The following ADAMTS17 variants were observed in gnomAD, a reference collection of about 807,000 sequenced individuals.
ADAMTS17 encodes ADAM metallopeptidase with thrombospondin type 1 motif 17.
ADAMTS17 carries 113 observed loss-of-function variants against 141.5 expected under a neutral mutation model. The observed-to-expected ratio is 0.80, with a 90% CI of 0.69 to 0.93. ADAMTS17 has a LOEUF of 0.93. Among genes scored for constraint, ADAMTS17 ranks in the 40% least tolerant of loss-of-function variants. ADAMTS17 has a pLI of 0.00. For synonymous variants in ADAMTS17, 768 were observed against 630.6 expected, an observed-to-expected ratio of 1.22 and a Z score of -3.27; for missense variants, 1,659 against 1,517.9, an observed-to-expected ratio of 1.09 and a Z score of -1.54.
At chr15:100,114,135 T>C (rs1596470560) in intron 13 of ADAMTS17, among the ~76,000 whole-genome samples, 1 of 151,576 alleles carries the variant, frequency 6.6e-6, no homozygotes, top group Middle Eastern at 3.4e-3. Flanking sequence ...TTGGAAAATC[T>C]ACCTCTGCAA....
chr15:100,226,233 T>C (rs1434361937), intron 7 of ADAMTS17, among the ~76,000 whole-genome samples: 3 of 152,206 alleles, frequency 2.0e-5, no homozygotes, highest in Non-Finnish European at 2.9e-5. Context: ...TGCTCCAGGG[T>C]GATGTCAGCC....
At position 99,973,976 on chromosome 15, in the gene ADAMTS17, T is replaced by G; in HGVS notation, c.*426A>C. On this transcript the variant is annotated 3_prime_UTR_variant, in exon 22 of 22. Coordinates refer to ENST00000268070, the MANE Select transcript of ADAMTS17 (RefSeq NM_139057.4). The stretch of plus-strand genomic sequence containing the variant: ...CCAACACCTGCCCCTCCCTCCATGG[T>G]GTCGCCGGCTTTCAGAATAAAGCCT... 5.3e-6 allele frequency: 1 copy of G among 190,328 alleles called. No individual in the cohort carries two copies. The allele number at this position is 190,328 out of a possible 1,614,324, so 11.8% of individuals were successfully genotyped here.
At chr15:100,243,904 G>C (rs2042907566) in intron 7 of ADAMTS17, among the ~76,000 whole-genome samples, 1 of 151,878 alleles carries the variant, frequency 6.6e-6, no homozygotes, top group Admixed American at 6.6e-5. Flanking sequence ...AACAACCCTA[G>C]ATACTATTAT....
Position 99,972,397 on chromosome 15 carries a change from T to G in ADAMTS17, c.*2005A>C, listed in dbSNP as rs2060230014. 1 of 152,136 alleles carries G rather than the reference T, an allele frequency of 6.6e-6. No individual in the cohort carries two copies. Among genetic ancestry groups the G allele is most frequent in the South Asian group, 2.1e-4 (1 of 4,826 alleles). The allele number at this position is 152,136 out of a possible 1,614,324, so 9.4% of individuals were successfully genotyped here. On this transcript the variant is annotated 3_prime_UTR_variant, in exon 22 of 22. Coordinates refer to ENST00000268070, the MANE Select transcript of ADAMTS17 (RefSeq NM_139057.4). ...GCCCTTGCCAGGGTGACAGTGGGCATATCTGGAGGCCCCGGGGCCCATGCA... is the reference window on the plus strand; with the variant it reads ...GCCCTTGCCAGGGTGACAGTGGGCAGATCTGGAGGCCCCGGGGCCCATGCA...
At position 99,973,680 on chromosome 15, in the gene ADAMTS17, A is replaced by C. The variant is rs2060257920; in HGVS notation, c.*722T>G. ...TACACGGTGGACAGCAGAGCTCTGA[A>C]AATTAGATGCTTCCCCAAACCCAGA... On this transcript the variant is annotated 3_prime_UTR_variant, in exon 22 of 22. Transcript: ENST00000268070. 6.5e-6 allele frequency: 1 copy of C among 154,300 alleles called. No individual in the cohort carries two copies. Among genetic ancestry groups the C allele is most frequent in the African/African-American group, 2.4e-5 (1 of 41,448 alleles). 9.6% of individuals were successfully genotyped at this position (154,300 alleles called of 1,614,324 possible).
chr15:100,168,016 C>G (rs984585364), intron 8 of ADAMTS17, among the ~76,000 whole-genome samples: 1 of 152,186 alleles, frequency 6.6e-6, no homozygotes, highest in Non-Finnish European at 1.5e-5. Context: ...GCCGTGTAAA[C>G]CTCCCACTCT....
chr15:100,175,699 C>A (rs1355957819), intron 8 of ADAMTS17, among the ~76,000 whole-genome samples: 1 of 151,944 alleles, frequency 6.6e-6, no homozygotes, highest in African/African-American at 2.4e-5. Flanking sequence ...CGTTCTCAGC[C>A]TTCCTCAAAT....
chr15:100,024,045 T>C (rs147118422), intron 18 of ADAMTS17, among the ~76,000 whole-genome samples: 43 of 152,330 alleles, frequency 2.8e-4, no homozygotes, highest in African/African-American at 1.0e-3. Flanking sequence ...TCGCTATTGA[T>C]AGCGAAGCAA....
intron 20 of ADAMTS17, among the ~76,000 whole-genome samples, chr15:99,977,512 G>A (rs1185729085): frequency 6.9e-6 from 1 of 144,144 alleles, no homozygotes; most frequent in African/African-American, 2.6e-5. Flanking sequence ...CTCCCTGGTT[G>A]AAGTGATTCC....
chr15:100,019,540 T>A (rs1359865471), intron 18 of ADAMTS17, among the ~76,000 whole-genome samples: 3 of 152,206 alleles, frequency 2.0e-5, no homozygotes, highest in Non-Finnish European at 4.4e-5. Context: ...CAGTGAGTGG[T>A]TGAGACCACG....
chr15:100,290,697 A>T (rs1024245487), intron 3 of ADAMTS17, among the ~76,000 whole-genome samples: 9 of 152,200 alleles, frequency 5.9e-5, no homozygotes, highest in African/African-American at 1.9e-4. Flanking sequence ...CCAGAAATAA[A>T]GCTGCACACC....
chr15:100,175,137 G>A (rs77384332), intron 8 of ADAMTS17, among the ~76,000 whole-genome samples: 5,502 of 152,242 alleles, frequency 0.036, 111 homozygotes, highest in East Asian at 0.11. Flanking sequence ...AGTGAAACAA[G>A]AATCAGAAAA....
intron 3 of ADAMTS17, among the ~76,000 whole-genome samples, chr15:100,326,103 A>C (rs2045892821): frequency 6.6e-6 from 1 of 152,224 alleles, no homozygotes; most frequent in Non-Finnish European, 1.5e-5. Context: ...GTTACAGCAA[A>C]GGGAACAGAA....
At chr15:100,229,678 C>T (rs1026111157) in intron 7 of ADAMTS17, among the ~76,000 whole-genome samples, 1 of 152,162 alleles carries the variant, frequency 6.6e-6, no homozygotes. Flanking sequence ...TCACATGATC[C>T]GTTGAAGATG....
chr15:100,265,551 C>G (rs1196472597), intron 4 of ADAMTS17, among the ~76,000 whole-genome samples: 1 of 152,188 alleles, frequency 6.6e-6, no homozygotes, highest in Non-Finnish European at 1.5e-5. Flanking sequence ...TACGGCTTCT[C>G]TGGCTAGGCA....
In ADAMTS17 at chr15:100,265,832, T is replaced by C. The variant is rs73481982; in HGVS notation, c.790-3397A>G. Among the ~76,000 whole-genome samples the C allele has an allele frequency of 6.1e-3, 926 of 152,318 alleles. 11 individuals are homozygous for C. The highest frequency in any genetic ancestry group is 0.021 in the African/African-American group (867 of 41,574). ...GGTCCCCAAAGCAGCAGCACCAACATGACCTGGGCACTTGTTGGAAATGCA... is the reference window on the plus strand; with the variant it reads ...GGTCCCCAAAGCAGCAGCACCAACACGACCTGGGCACTTGTTGGAAATGCA... On this transcript the variant is annotated intron_variant, in intron 4 of 21. Transcript: ENST00000268070.
chr15:100,126,045 AC>A, intron 12 of ADAMTS17: 1 of 152,328 alleles, frequency 6.6e-6, no homozygotes, highest in Non-Finnish European at 1.5e-5. Flanking sequence ...AAGGAGTGAG[AC>A]GGGGAGAGGA....
intron 8 of ADAMTS17, among the ~76,000 whole-genome samples, chr15:100,161,853 C>T (rs555670645): frequency 2.0e-5 from 3 of 152,308 alleles, no homozygotes; most frequent in African/African-American, 4.8e-5. Context: ...AACAAATAGG[C>T]AGCAATAGCA....
At chr15:100,212,140 C>A (rs963513511) in intron 7 of ADAMTS17, among the ~76,000 whole-genome samples, 1 of 152,218 alleles carries the variant, frequency 6.6e-6, no homozygotes, top group Non-Finnish European at 1.5e-5. Flanking sequence ...CTATTATCAT[C>A]CTCATTCACA....
Sources: gnomAD v4.1 joint callset for allele counts (sites outside exome capture counted in the v4.1 genomes callset) on GRCh38, gnomAD v4.1.1 for gene constraint, MANE v1.5 for transcripts, NCBI Gene and HGNC (gene_info 2026-07-23, HGNC 2026-07-21) for gene names.